The following CAMK1D variants were observed in gnomAD, a reference collection of about 807,000 sequenced individuals.
The protein encoded by CAMK1D is calcium/calmodulin-dependent protein kinase type 1D.
CAMK1D carries 9 observed loss-of-function variants against 47.7 expected under a neutral mutation model. The observed-to-expected ratio is 0.19, with a 90% confidence interval of 0.11 to 0.33. The LOEUF (loss-of-function observed/expected upper bound fraction) is 0.33, where lower values mean the gene tolerates loss of function less well. Among genes scored for constraint, CAMK1D ranks in the 10% least tolerant of loss-of-function variants. The probability of loss-of-function intolerance (pLI) is 1.00; values close to 1 mark genes in which losing one functional copy is unlikely to be tolerated. For missense variants in CAMK1D, 291 were observed against 488.7 expected (o/e 0.60, Z 3.81); for synonymous variants, 184 against 184.9 (o/e 0.99, Z 0.04).
chr10:12,480,254 C>G (rs12259259), intron 1 of CAMK1D, among the ~76,000 whole-genome samples: 3,049 of 152,196 alleles, frequency 0.02, 101 homozygotes, highest in African/African-American at 0.07. Flanking sequence ...GCCTGGCCAA[C>G]TGAAATCCGG....
chr10:12,769,346 C>G (rs1461023479), intron 4 of CAMK1D, among the ~76,000 whole-genome samples: 1 of 152,186 alleles, frequency 6.6e-6, no homozygotes, highest in Non-Finnish European at 1.5e-5. Flanking sequence ...CTGGAATCTC[C>G]CTTCCCTAAC....
chr10:12,583,963 C>T (rs764042168), intron 2 of CAMK1D, among the ~76,000 whole-genome samples: 1 of 152,128 alleles, frequency 6.6e-6, no homozygotes, highest in Non-Finnish European at 1.5e-5. Context: ...ATAATCAGGA[C>T]ATGACAATAG....
chr10:12,427,523 C>G (rs1191733495), intron 1 of CAMK1D, among the ~76,000 whole-genome samples: 1 of 152,004 alleles, frequency 6.6e-6, no homozygotes, highest in African/African-American at 2.4e-5. Context: ...CCTCCCCGGA[C>G]AGGGAGAAGG....
intron 2 of CAMK1D, among the ~76,000 whole-genome samples, chr10:12,650,452 C>T (rs1396337163): frequency 4.6e-5 from 7 of 152,244 alleles, no homozygotes; most frequent in East Asian, 1.9e-4. Flanking sequence ...GTTTCAGGGA[C>T]TGTGTTTTAT....
At chr10:12,376,418 A>G (rs1486565615) in intron 1 of CAMK1D, among the ~76,000 whole-genome samples, 2 of 152,136 alleles carry the variant, frequency 1.3e-5, no homozygotes, top group East Asian at 3.9e-4. Flanking sequence ...GTGCTGACCG[A>G]GATGGAACAG....
At position 12,694,103 on chromosome 10, in the gene CAMK1D, TA is replaced by T. The variant is rs1312819764; in HGVS notation, c.299+27294del. Among the ~76,000 whole-genome samples the T allele has an allele frequency of 1.9e-4, 11 of 58,810 alleles. 2 individuals carry two copies. Among genetic ancestry groups the T allele is most frequent in the African/African-American group, 7.4e-4 (11 of 14,958 alleles). 38.6% of individuals were successfully genotyped at this position (58,810 alleles called of 152,430 possible). On this transcript the variant is annotated intron_variant, in intron 3 of 10. Transcript: ENST00000619168. ...ATTATGTATAATATATATTATATAA[TA>T]TATAATATATATTATGCATAATATA...
intron 1 of CAMK1D, among the ~76,000 whole-genome samples, chr10:12,501,549 G>A (rs1408176641): frequency 1.3e-5 from 2 of 152,102 alleles, no homozygotes; most frequent in East Asian, 1.9e-4. Flanking sequence ...CTAGGGGCTC[G>A]GAGGAAATAA....
chr10:12,606,380 A>G (rs985627859), intron 2 of CAMK1D, among the ~76,000 whole-genome samples: 3 of 152,176 alleles, frequency 2.0e-5, no homozygotes, highest in African/African-American at 7.2e-5. Flanking sequence ...ACTTCCGCCT[A>G]ACCCATTTGG....
chr10:12,792,030 A>G (rs1357717287), intron 6 of CAMK1D, among the ~76,000 whole-genome samples: 1 of 152,104 alleles, frequency 6.6e-6, no homozygotes, highest in Admixed American at 6.6e-5. Context: ...GTGAAGTGGT[A>G]TCTCATTGGG....
intron 4 of CAMK1D, among the ~76,000 whole-genome samples, chr10:12,764,445 C>T (rs555797456): frequency 5.3e-4 from 79 of 149,808 alleles, no homozygotes; most frequent in Non-Finnish European, 1.0e-3. Flanking sequence ...CCTCCTTGGG[C>T]GTAACTGGTC....
intron 3 of CAMK1D, among the ~76,000 whole-genome samples, chr10:12,752,925 T>C (rs1836055172): frequency 6.6e-6 from 1 of 152,188 alleles, no homozygotes; most frequent in Non-Finnish European, 1.5e-5. Flanking sequence ...GAATATCAAA[T>C]GACTTTAGTA....
intron 1 of CAMK1D, among the ~76,000 whole-genome samples, chr10:12,395,859 G>A (rs1371594758): frequency 6.6e-6 from 1 of 151,710 alleles, no homozygotes; most frequent in Non-Finnish European, 1.5e-5. Context: ...CCCAGGAGGC[G>A]GAGGTTGCTG....
chr10:12,364,258 T>A (rs1009238843), intron 1 of CAMK1D, among the ~76,000 whole-genome samples: 3 of 146,682 alleles, frequency 2.0e-5, no homozygotes, highest in African/African-American at 7.7e-5. Flanking sequence ...TTTTTTTTTT[T>A]TGAGATGGAG....
intron 1 of CAMK1D, among the ~76,000 whole-genome samples, chr10:12,432,554 A>AAT: frequency 6.6e-6 from 1 of 152,244 alleles, no homozygotes; most frequent in Non-Finnish European, 1.5e-5. Flanking sequence ...TGGATGAGTT[A>AAT]ATGTGTGAAT....
At position 12,797,938 on chromosome 10, in the gene CAMK1D, G is replaced by T. The variant is rs577159092; in HGVS notation, c.641+6705G>T. ...AGGTACAGGAGGTACACAACAGTGA[G>T]GGGGGAAACTTCACAAGCAGAGCAG... On this transcript the variant is annotated intron_variant, in intron 6 of 10. Coordinates refer to ENST00000619168, the MANE Select transcript of CAMK1D (RefSeq NM_153498.4). Among the ~76,000 whole-genome samples the T allele has an allele frequency of 2.0e-5, 3 of 152,246 alleles. No individual in the cohort carries two copies. The South Asian group carries it at 6.2e-4, about 32-fold the overall frequency.
chr10:12,821,357 A>T (rs901384386), intron 8 of CAMK1D, among the ~76,000 whole-genome samples: 2 of 152,194 alleles, frequency 1.3e-5, no homozygotes, highest in African/African-American at 4.8e-5. Context: ...AGCCAAGTTC[A>T]CATTCCTGAG....
At chr10:12,438,797 C>T (rs1832703353) in intron 1 of CAMK1D, among the ~76,000 whole-genome samples, 1 of 152,202 alleles carries the variant, frequency 6.6e-6, no homozygotes, top group South Asian at 2.1e-4. Context: ...CTTTTCTTCC[C>T]TGCCTTGCTC....
At chr10:12,481,839 C>T (rs1299218407) in intron 1 of CAMK1D, among the ~76,000 whole-genome samples, 1 of 152,178 alleles carries the variant, frequency 6.6e-6, no homozygotes, top group Non-Finnish European at 1.5e-5. Context: ...GCCATGGTCT[C>T]AGTGAATTGC....
chr10:12,598,532 C>T (rs928251690), intron 2 of CAMK1D, among the ~76,000 whole-genome samples: 6 of 152,154 alleles, frequency 3.9e-5, no homozygotes, highest in South Asian at 2.1e-4. Flanking sequence ...AAATCTGTTT[C>T]GGGTCACACC....
Sources: gnomAD v4.1 joint callset for allele counts (sites outside exome capture counted in the v4.1 genomes callset) on GRCh38, gnomAD v4.1.1 for gene constraint, MANE v1.5 for transcripts, NCBI Gene and HGNC (gene_info 2026-07-23, HGNC 2026-07-21) for gene names.